IL11RA: variants seen among roughly 807,000 people sequenced by gnomAD.
IL11RA encodes the protein interleukin 11 receptor subunit alpha.
IL11RA carries 51 observed loss-of-function variants against 57.0 expected under a neutral mutation model. The observed-to-expected ratio is 0.89, with a 90% CI of 0.71 to 1.13. The LOEUF (loss-of-function observed/expected upper bound fraction) is 1.13, where lower values mean the gene tolerates loss of function less well. IL11RA is among the 50% of genes most tolerant of loss of function. The pLI is 0.00. For missense variants in IL11RA, 498 were observed against 539.4 expected, an observed-to-expected ratio of 0.92 and a Z score of 0.76; for synonymous variants, 199 against 217.5, an observed-to-expected ratio of 0.91 and a Z score of 0.75.
At chr9:34,659,285 CAT>C (rs1821406933) in intron 8 of IL11RA, among the ~76,000 whole-genome samples, 1 of 152,322 alleles carries the variant, frequency 6.6e-6, no homozygotes, top group African/African-American at 2.4e-5. Flanking sequence ...TACAAACACT[CAT>C]ATACCCAGCT....
chr9:34,658,716 G>A lies in IL11RA; in HGVS notation c.810+33G>A. The A allele has an allele frequency of 6.2e-7, 1 of 1,604,952 alleles. No individual in the cohort carries two copies. Among genetic ancestry groups the A allele is most frequent in the Non-Finnish European group, 8.5e-7 (1 of 1,178,604 alleles). Reference sequence around the variant, plus strand: ...CTGGAGTGCGTCCCAACCCACGGCTGTGGGTCCTGTCTCTGATTTCACGAT... The same window carrying A: ...CTGGAGTGCGTCCCAACCCACGGCTATGGGTCCTGTCTCTGATTTCACGAT... On this transcript the variant is annotated intron_variant, in intron 8 of 12. Coordinates refer to ENST00000441545, the MANE Select transcript of IL11RA (RefSeq NM_001142784.3). This position sits in a 1 kb window ranked among gnomAD's most constrained non-coding sequence, Gnocchi z 4.0.
At chr9:34,654,068 CAG>C (rs2132352149) in intron 1 of IL11RA, 1 of 152,476 alleles carries the variant, frequency 6.6e-6, no homozygotes, top group East Asian at 1.9e-4. Context: ...CACACTCAGA[CAG>C]ACACACAGAC....
chr9:34,656,563 T>G (rs925112704), intron 3 of IL11RA, among the ~76,000 whole-genome samples, 176 bp from the exon 4 acceptor site: 2 of 151,824 alleles, frequency 1.3e-5, no homozygotes, highest in East Asian at 1.9e-4. Flanking sequence ...GGGAGAGAGA[T>G]AGGAGCTGAA....
chr9:34,660,036 T>C, intron 9 of IL11RA, 136 bp downstream of exon 9: 1 of 1,286,034 alleles, frequency 7.8e-7, no homozygotes, highest in Non-Finnish European at 1.1e-6. Context: ...GACTTCAGAC[T>C]TGTTTGCCTA....
Position 34,659,862 on chromosome 9 carries a change from G to A in IL11RA, c.914G>A (p.Ser305Asn). The A allele has an allele frequency of 6.2e-7, 1 of 1,614,242 alleles. No homozygotes were observed. Among genetic ancestry groups the A allele is most frequent in the Non-Finnish European group, 8.5e-7 (1 of 1,180,044 alleles). ...GACTTTCTAGATGCTGGCACCTGGA[G>A]CACCTGGAGCCCGGAGGCCTGGGGA... ...ARDFLDAGTW[S>N]TWSPEAWGTP... The change falls in exon 9 of 13, where the codon AGC becomes AAC. Residue 305 changes from serine (S) to asparagine (N), a missense_variant. Transcript: ENST00000441545.
In IL11RA at chr9:34,659,909, C is replaced by T. The variant is rs1237417340; in HGVS notation, c.952+9C>T. On this transcript the variant is annotated intron_variant, in intron 9 of 12. Transcript: ENST00000441545. ...GGGAACTCCGAGCACTGGTGAGAGA[C>T]AAAGCCAAAGAAAAGGGCAGAGGCC... is the stretch of plus-strand genomic sequence containing the variant. 3 of 1,613,852 alleles carry T rather than the reference C, an allele frequency of 1.9e-6. No individual in the cohort carries two copies. Among genetic ancestry groups the T allele is most frequent in the Admixed American group, 1.7e-5 (1 of 59,990 alleles).
rs1821427930 is a variant in IL11RA at position 34,660,268 on chromosome 9, C to T, written c.953-6C>T. 6.2e-7 allele frequency: 1 copy of T among 1,614,068 alleles called. No homozygotes were observed. Among genetic ancestry groups the T allele is most frequent in the Admixed American group, 1.7e-5 (1 of 60,004 alleles). On this transcript the variant is annotated splice_polypyrimidine_tract_variant and splice_region_variant and intron_variant, in intron 9 of 12. Coordinates refer to ENST00000441545, the MANE Select transcript of IL11RA (RefSeq NM_001142784.3). ...TGGACACTTATTGGGTCTTGCCTTC[C>T]TTTAGGGACCATACCAAAGGAGATA...
In IL11RA at chr9:34,655,560, G is replaced by A. The variant is rs368811201; in HGVS notation, c.101-45G>A. On this transcript the variant is annotated intron_variant, in intron 2 of 12. Transcript: ENST00000441545. ...TTATCTGTCATTCTCACAAAGTGGG[G>A]AGGGGGGTAAAGGAAGAGCCTTACC... is the stretch of plus-strand genomic sequence containing the variant. 297 of 1,564,802 alleles carry A rather than the reference G, an allele frequency of 1.9e-4. 1 individual carries two copies. The highest frequency in any genetic ancestry group is 1.2e-3 in the Middle Eastern group (7 of 5,854).
In IL11RA at chr9:34,655,092, T is replaced by C. The variant is rs563243286; in HGVS notation, c.1-126T>C. The C allele has an allele frequency of 4.1e-6, 3 of 734,144 alleles. No individual in the cohort carries two copies. The Admixed American group carries it at 6.1e-5, about 15-fold the overall frequency. 45.5% of individuals were successfully genotyped at this position (734,144 alleles called of 1,614,324 possible). ...TCAGGTCAGTTCCCGCAGTGATTTC[T>C]AACAGCCTTACCCCACTTGGTGCAT... is the stretch of plus-strand genomic sequence containing the variant. On this transcript the variant is annotated intron_variant, in intron 1 of 12. Transcript: ENST00000441545.
At position 34,656,829 on chromosome 9, in the gene IL11RA, A is replaced by G; in HGVS notation, c.252A>G (p.Ala84=). ...GLGHELVLAQ[A]DSTDEGTYIC... ...GGCATGAACTGGTCCTGGCCCAGGC[A>G]GACAGCACTGATGAGGGCACCTACA... Residue 84 remains alanine, a synonymous_variant, in exon 4 of 13, where the codon GCA becomes GCG. Transcript: ENST00000441545. The G allele has an allele frequency of 6.2e-7, 1 of 1,614,176 alleles. No homozygotes were observed. The highest frequency in any genetic ancestry group is 8.5e-7 in the Non-Finnish European group (1 of 1,180,020).
At position 34,656,871 on chromosome 9, in the gene IL11RA, TG is replaced by T; in HGVS notation, c.296del (p.Gly99ValfsTer7). On this transcript the variant is annotated frameshift_variant, in exon 4 of 13. Transcript: ENST00000441545. LOFTEE classifies it high-confidence loss of function. Reference protein sequence around the residue: ...EGTYICQTLDGALGGTVTLQL... With the variant: ...EGTYICQTLDXALGGTVTLQL... ...GCACCTACATCTGCCAGACCCTGGATGGTGCACTTGGGGGCACAGTGACCCT... is the reference window on the plus strand; with the variant it reads ...GCACCTACATCTGCCAGACCCTGGATGTGCACTTGGGGGCACAGTGACCCT... 6.2e-7 allele frequency: 1 copy of T among 1,614,154 alleles called. No homozygotes were observed. Among genetic ancestry groups the T allele is most frequent in the Non-Finnish European group, 8.5e-7 (1 of 1,180,022 alleles).
rs1821351636 is a variant in IL11RA, at chr9:34,656,801, T to G, written c.224T>G (p.Leu75Arg). Residue 75 changes from leucine to arginine, a missense_variant, in exon 4 of 13, where the codon CTA becomes CGA. Coordinates refer to ENST00000441545, the MANE Select transcript of IL11RA (RefSeq NM_001142784.3). ...CTGCTCCAGGGACCTGACTCTGGGCTAGGGCATGAACTGGTCCTGGCCCAG... is the reference window on the plus strand; with the variant it reads ...CTGCTCCAGGGACCTGACTCTGGGCGAGGGCATGAACTGGTCCTGGCCCAG... ...PKLLQGPDSG[L>R]GHELVLAQAD... 6.2e-7 allele frequency: 1 copy of G among 1,614,166 alleles called. No homozygotes were observed. The highest frequency in any genetic ancestry group is 8.5e-7 in the Non-Finnish European group (1 of 1,180,010).
intron 11 of IL11RA, 36 bp downstream of exon 11, chr9:34,660,636 C>T (rs1821438261): frequency 6.6e-7 from 1 of 1,519,930 alleles, no homozygotes; most frequent in Admixed American, 1.7e-5. Context: ...GCCTCTGATC[C>T]TCACACATGC....
chr9:34,660,677 C>T lies in IL11RA; in HGVS notation c.1169+77C>T, dbSNP rs929711297. 18 of 1,319,142 alleles carry T rather than the reference C, an allele frequency of 1.4e-5. No individual in the cohort carries two copies. The Admixed American group carries it at 2.4e-4, about 17-fold the overall frequency. The allele number at this position is 1,319,142 out of a possible 1,614,324, so 81.7% of individuals were successfully genotyped here. Reference sequence around the variant, plus strand: ...TGCCCATAGACCACATTCATCTCCACCCTTCATGACTGCCCGCTGAACCTG... The same window carrying T: ...TGCCCATAGACCACATTCATCTCCATCCTTCATGACTGCCCGCTGAACCTG... On this transcript the variant is annotated intron_variant, in intron 11 of 12. Coordinates refer to ENST00000441545, the MANE Select transcript of IL11RA (RefSeq NM_001142784.3).
intron 9 of IL11RA, 47 bp from the exon 10 acceptor site, chr9:34,660,227 C>T (rs914414912): frequency 2.3e-5 from 37 of 1,613,854 alleles, no homozygotes; most frequent in Middle Eastern, 3.3e-4. Context: ...ACGTGACCCC[C>T]GTCCCCACCA....
rs768087208 is a variant in IL11RA at position 34,657,335 on chromosome 9, G to A, written c.479G>A (p.Arg160Lys). 4.3e-6 allele frequency: 7 copies of A among 1,614,050 alleles called. No homozygotes were observed. The highest frequency in any genetic ancestry group is 1.3e-5 in the African/African-American group (1 of 74,912). The change falls in exon 6 of 13, where the codon AGG (arginine) becomes AAG (lysine). Residue 160 changes from arginine to lysine, a missense_variant and splice_region_variant. Transcript: ENST00000441545. The part of the protein sequence containing the change: ...KKTVLGADSQ[R>K]RSPSTGPWPC... Reference sequence around the variant, plus strand: ...ACAGTCCTAGGAGCTGATAGCCAGAGGTAGGACGTGAGGGAGCATGTGGGG... The same window carrying A: ...ACAGTCCTAGGAGCTGATAGCCAGAAGTAGGACGTGAGGGAGCATGTGGGG...
chr9:34,655,567 G>T, intron 2 of IL11RA, 38 bp from the exon 3 acceptor site: 1 of 1,597,418 alleles, frequency 6.3e-7, no homozygotes, highest in Non-Finnish European at 8.6e-7. Flanking sequence ...GGGGAGGGGG[G>T]TAAAGGAAGA....
At chr9:34,656,024 T>C (rs1821336877) in intron 3 of IL11RA, 1 of 335,404 alleles carries the variant, frequency 3.0e-6, no homozygotes, top group Non-Finnish European at 5.8e-6. Flanking sequence ...AGAGGACAAC[T>C]GAGTGGTTAC....
At chr9:34,657,806 TGA>T (rs1486524739) in intron 7 of IL11RA, among the ~76,000 whole-genome samples, 1 of 152,212 alleles carries the variant, frequency 6.6e-6, no homozygotes, top group Non-Finnish European at 1.5e-5. Flanking sequence ...CCACACTGCC[TGA>T]TTGGCTGCCT....
Sources: allele counts gnomAD v4.1 joint callset (sites outside exome capture counted in the v4.1 genomes callset), GRCh38; gene constraint gnomAD v4.1.1; non-coding constraint Gnocchi (gnomAD v3.1); transcripts MANE v1.5; gene names NCBI Gene and HGNC (gene_info 2026-07-23, HGNC 2026-07-21).